EMC1: variants seen among roughly 807,000 people sequenced by gnomAD.
EMC1 encodes the protein ER membrane protein complex subunit 1, also known as KIAA0090.
A neutral mutation model predicts 128.8 loss-of-function variants in EMC1; 103 were observed. That is an observed-to-expected ratio of 0.80 (90% confidence interval 0.68 to 0.94). The LOEUF is 0.94. EMC1 is among the 40% of genes least tolerant of loss of function. The probability of loss-of-function intolerance (pLI) is 0.00; values close to 1 mark genes in which losing one functional copy is unlikely to be tolerated. For synonymous variants in EMC1, 442 were observed against 490.4 expected (o/e 0.90, Z 1.30); for missense variants, 1,083 against 1,250.6 (o/e 0.87, Z 2.02).
At chr1:19,219,833 G>A in intron 21 of EMC1, 135 bp from the exon 22 acceptor site, 1 of 939,118 alleles carries the variant, frequency 1.1e-6, no homozygotes, top group Non-Finnish European at 1.6e-6. Context: ...CTTGCATTAG[G>A]TAGTTAAAAA....
In EMC1 at chr1:19,251,480, C is replaced by A; in HGVS notation, c.30G>T (p.Trp10Cys). 1 of 1,614,188 alleles carries A rather than the reference C, an allele frequency of 6.2e-7. No homozygotes were observed. The highest frequency in any genetic ancestry group is 1.1e-5 in the South Asian group (1 of 91,092). Residue 10 changes from tryptophan to cysteine, a missense_variant, in exon 1 of 23, where the codon TGG (tryptophan) becomes TGT (cysteine). Trp to Cys is a radical substitution (Grantham distance 215, BLOSUM62 -2). Coordinates refer to ENST00000477853, the MANE Select transcript of EMC1 (RefSeq NM_015047.3). ...CAGGAATCAGCAGCGTAGCCCAAAG[C>A]CAGAAACGAGAAGCCCACTCAGCCG... MAAEWASRF[W>C]LWATLLIPAA...
intron 5 of EMC1, among the ~76,000 whole-genome samples, chr1:19,241,344 A>C (rs1453074625): frequency 1.3e-5 from 2 of 152,184 alleles, no homozygotes; most frequent in Non-Finnish European, 2.9e-5. Flanking sequence ...TATACTTCAC[A>C]ATCAGATTTC....
At chr1:19,225,379 C>T (rs916247484) in intron 18 of EMC1, among the ~76,000 whole-genome samples, 3 of 152,104 alleles carry the variant, frequency 2.0e-5, no homozygotes, top group African/African-American at 4.8e-5. Context: ...TGCCTGGGCA[C>T]GGTGGCTCCC....
chr1:19,231,032 A>G, intron 16 of EMC1, 69 bp from the exon 17 acceptor site: 1 of 1,584,724 alleles, frequency 6.3e-7, no homozygotes, highest in Non-Finnish European at 8.6e-7. Flanking sequence ...CTTAAGAATA[A>G]AACTGCAAAT....
In EMC1 at chr1:19,222,640, G is replaced by A; in HGVS notation, c.2571C>T (p.Thr857=). 1 of 1,613,906 alleles carries A rather than the reference G, an allele frequency of 6.2e-7. No individual in the cohort carries two copies. Among genetic ancestry groups the A allele is most frequent in the African/African-American group, 1.3e-5 (1 of 75,040 alleles). The change falls in exon 20 of 23, where the codon ACC becomes ACT. Residue 857 remains threonine (T), a synonymous_variant. Coordinates refer to ENST00000477853, the MANE Select transcript of EMC1 (RefSeq NM_015047.3). The part of the protein sequence containing the change: ...MEATITERGI[T]SRHLLIGLPS... ...GTCACTCACTCAGCAGGTGTCGGCT[G>A]GTGATGCCCCGTTCGGTGATGGTGG...
At chr1:19,231,199 T>C in intron 16 of EMC1, 62 bp downstream of exon 16, 2 of 1,525,718 alleles carry the variant, frequency 1.3e-6, no homozygotes, top group Non-Finnish European at 1.8e-6. Flanking sequence ...CCGCTGTGTT[T>C]GACCACCTGG....
Position 19,242,577 on chromosome 1 carries a change from G to A in EMC1, c.381-104C>T, listed in dbSNP as rs1319594098. On this transcript the variant is annotated intron_variant, in intron 4 of 22. Coordinates refer to ENST00000477853, the MANE Select transcript of EMC1 (RefSeq NM_015047.3). ...CTGTTGCTTAGTGGGTAAGAAAACA[G>A]GCTTTGGGGTCAAACACAGCTGGAT... is the stretch of plus-strand genomic sequence containing the variant. 5 of 1,292,924 alleles carry A rather than the reference G, an allele frequency of 3.9e-6. No homozygotes were observed. In the East Asian group the frequency reaches 1.2e-4, roughly 31 times the overall value. The allele number at this position is 1,292,924 out of a possible 1,614,324, so 80.1% of individuals were successfully genotyped here. A position where few individuals can be genotyped will look rare whatever the true frequency, so the allele number is the denominator to read the frequency against.
chr1:19,231,929 C>T (rs2093525765), intron 15 of EMC1, among the ~76,000 whole-genome samples: 1 of 152,134 alleles, frequency 6.6e-6, no homozygotes. Context: ...GGCTGCTCTG[C>T]CAGTTCTAAA....
rs1395639618 is a variant in EMC1, at chr1:19,231,320, G to A, written c.1885C>T (p.Leu629Phe). The A allele has an allele frequency of 6.2e-7, 1 of 1,611,042 alleles. No individual in the cohort carries two copies. Among genetic ancestry groups the A allele is most frequent in the Non-Finnish European group, 8.5e-7 (1 of 1,179,306 alleles). The change falls in exon 16 of 23, where the codon CTC becomes TTC. Residue 629 changes from leucine (L) to phenylalanine (F), a missense_variant. Leu to Phe is a conservative substitution (Grantham distance 22). Transcript: ENST00000477853. ...LKRPILQSLL[L>F]PVMDQDYAKV... ...GCGTAGTCTTGATCCATGACTGGGA[G>A]AAGCAAGGACTGCAAGATGGGGCGC...
chr1:19,230,667 T>C (rs977853810), intron 17 of EMC1, among the ~76,000 whole-genome samples, 177 bp downstream of exon 17: 3 of 152,212 alleles, frequency 2.0e-5, no homozygotes, highest in African/African-American at 7.2e-5. Flanking sequence ...GAACCGTATC[T>C]GCCATGTAGT....
chr1:19,223,134 GTTA>G (rs1277471505), intron 19 of EMC1: 3 of 559,532 alleles, frequency 5.4e-6, no homozygotes, highest in African/African-American at 3.8e-5. Context: ...GAAGGTGACT[GTTA>G]TTATCCCTAT....
rs1462777941 is a variant in EMC1, at chr1:19,235,115, C to A, written c.1432+15G>T. ...CCTCCAGCAACTCTGCAGCTCCAAC[C>A]TCTTAGGTTCATACCTGCCTTTTTG... On this transcript the variant is annotated intron_variant, in intron 13 of 22. Coordinates refer to ENST00000477853, the MANE Select transcript of EMC1 (RefSeq NM_015047.3). 3 of 1,612,452 alleles carry A rather than the reference C, an allele frequency of 1.9e-6. No homozygotes were observed. Among genetic ancestry groups the A allele is most frequent in the Non-Finnish European group, 2.5e-6 (3 of 1,179,248 alleles).
chr1:19,239,595 A>C, intron 8 of EMC1: 1 of 588,434 alleles, frequency 1.7e-6, no homozygotes, highest in Non-Finnish European at 3.0e-6. Flanking sequence ...CCTTTGGACT[A>C]AGGAAGGCAC....
In EMC1 at chr1:19,223,534, C is replaced by T. The variant is rs1311042295; in HGVS notation, c.2238G>A (p.Glu746=). ...LNPNLLAVVT[E]STDAHHERTF... ...TGCGCTCATGGTGCGCGTCTGTGCTCTCTGTCACCACGGCCAGCAGGTTGG... is the reference window on the plus strand; with the variant it reads ...TGCGCTCATGGTGCGCGTCTGTGCTTTCTGTCACCACGGCCAGCAGGTTGG... Residue 746 remains glutamate, a synonymous_variant, in exon 19 of 23, where the codon GAG becomes GAA. Transcript: ENST00000477853. 6.2e-7 allele frequency: 1 copy of T among 1,614,146 alleles called. No individual in the cohort carries two copies. Among genetic ancestry groups the T allele is most frequent in the Non-Finnish European group, 8.5e-7 (1 of 1,180,028 alleles).
chr1:19,224,096 C>T (rs1003090807), intron 18 of EMC1, among the ~76,000 whole-genome samples: 1 of 152,186 alleles, frequency 6.6e-6, no homozygotes, highest in Non-Finnish European at 1.5e-5. Context: ...CATCCCTGCC[C>T]AGCACTCCTT....
Position 19,220,728 on chromosome 1 carries a change from G to C in EMC1, c.2672+36C>G, listed in dbSNP as rs199969526. ...TAATCAGTGAGGTTAAGTTATGTAAGGTCAGAGCCTTCAGCACTGCCCATG... is the reference window on the plus strand; with the variant it reads ...TAATCAGTGAGGTTAAGTTATGTAACGTCAGAGCCTTCAGCACTGCCCATG... On this transcript the variant is annotated intron_variant, in intron 21 of 22. Transcript: ENST00000477853. 2.3e-5 allele frequency: 35 copies of C among 1,520,692 alleles called. No individual in the cohort carries two copies. The African/African-American group carries it at 4.4e-4, about 19-fold the overall frequency. 94.2% of individuals were successfully genotyped at this position (1,520,692 alleles called of 1,614,324 possible). A position where few individuals can be genotyped will look rare whatever the true frequency, so the allele number is the denominator to read the frequency against.
chr1:19,222,706 C>G lies in EMC1; in HGVS notation c.2505G>C (p.Gln835His). ...LDRPQLPQVL[Q>H]QSYIFPSSIS... ...TGGAGGACGGGAAGATATAGGACTG[C>G]TGGAGGACCTGGGGCAGCTGGGGGC... Residue 835 changes from glutamine (Q) to histidine (H), a missense_variant, in exon 20 of 23, where the codon CAG becomes CAC. By Grantham distance (24) the Gln-to-His change is conservative (BLOSUM62 0). Coordinates refer to ENST00000477853, the MANE Select transcript of EMC1 (RefSeq NM_015047.3). 6.2e-7 allele frequency: 1 copy of G among 1,614,130 alleles called. No homozygotes were observed. Among genetic ancestry groups the G allele is most frequent in the South Asian group, 1.1e-5 (1 of 91,068 alleles).
intron 4 of EMC1, among the ~76,000 whole-genome samples, 175 bp downstream of exon 4, chr1:19,243,439 G>A (rs1342376068): frequency 6.6e-6 from 1 of 152,150 alleles, no homozygotes. Flanking sequence ...GCATCTAACA[G>A]GCGCTCAATA....
At chr1:19,232,578 A>C (rs2093532054) in intron 15 of EMC1, 46 bp downstream of exon 15, 1 of 1,610,348 alleles carries the variant, frequency 6.2e-7, no homozygotes, top group Non-Finnish European at 8.5e-7. Context: ...CAAAATAGCA[A>C]AAAAGCCACA....
Sources: allele counts gnomAD v4.1 joint callset (sites outside exome capture counted in the v4.1 genomes callset), GRCh38; gene constraint gnomAD v4.1.1; transcripts MANE v1.5; gene names NCBI Gene and HGNC (gene_info 2026-07-23, HGNC 2026-07-21).